Variants in SUSD4 observed in about 807,000 individuals in gnomAD.
SUSD4 encodes the protein sushi domain-containing protein 4.
Under a neutral mutation model 50.5 loss-of-function variants are expected in SUSD4, and 41 were observed. The ratio of observed to expected loss-of-function variants is 0.81; its 90% CI spans 0.63 to 1.05. The LOEUF (loss-of-function observed/expected upper bound fraction) is 1.05. Among genes scored for constraint, SUSD4 ranks in the 50% least tolerant of loss-of-function variants. SUSD4 has a pLI of 0.00. For missense variants in SUSD4, 580 were observed against 634.7 expected, an observed-to-expected ratio of 0.91 and a Z score of 0.93; for synonymous variants, 257 against 257.3, an observed-to-expected ratio of 1.00 and a Z score of 0.01.
chr1:223,325,522 G>A (rs1433686825), intron 2 of SUSD4, among the ~76,000 whole-genome samples: 2 of 152,068 alleles, frequency 1.3e-5, no homozygotes, highest in Non-Finnish European at 2.9e-5. Flanking sequence ...TCCCAAGCAA[G>A]AGCAATTAGG....
At chr1:223,350,106 T>C (rs1668273423) in intron 2 of SUSD4, among the ~76,000 whole-genome samples, 1 of 152,198 alleles carries the variant, frequency 6.6e-6, no homozygotes, top group African/African-American at 2.4e-5. Context: ...AACCCAGCCG[T>C]GCTGGCACCT....
At position 223,314,327 on chromosome 1, in the gene SUSD4, G is replaced by A. The variant is rs36034318; in HGVS notation, c.149-21676C>T. On this transcript the variant is annotated intron_variant, in intron 2 of 8. Transcript: ENST00000366878. ...AGTCCTGGATAAACATTCAGTGAGCGGAAATCTGACCTCAGCGGGGTGGCG... is the reference window on the plus strand; with the variant it reads ...AGTCCTGGATAAACATTCAGTGAGCAGAAATCTGACCTCAGCGGGGTGGCG... 5.7e-3 allele frequency among the ~76,000 whole-genome samples: 872 copies of A among 152,228 alleles called. 2 individuals carry two copies. Among genetic ancestry groups the A allele is most frequent in the Non-Finnish European group, 0.01 (687 of 68,000 alleles).
intron 2 of SUSD4, chr1:223,360,274 G>A (rs1172081904): frequency 2.1e-6 from 1 of 470,190 alleles, no homozygotes; most frequent in Admixed American, 2.4e-5. Flanking sequence ...GGCACTCTGG[G>A]CATCCCTCAA....
intron 5 of SUSD4, among the ~76,000 whole-genome samples, chr1:223,261,539 G>A (rs1662121505): frequency 6.6e-6 from 1 of 152,220 alleles, no homozygotes; most frequent in Non-Finnish European, 1.5e-5. Flanking sequence ...AGGAGACACT[G>A]TGTCAAACAC....
At chr1:223,228,974 T>C (rs1447563372) in intron 6 of SUSD4, among the ~76,000 whole-genome samples, 4 of 151,836 alleles carry the variant, frequency 2.6e-5, no homozygotes, top group African/African-American at 9.7e-5. Context: ...TGGAAGGACC[T>C]CCAGCAGACA....
chr1:223,286,351 G>C (rs1002055008), intron 3 of SUSD4, among the ~76,000 whole-genome samples: 3 of 152,212 alleles, frequency 2.0e-5, no homozygotes, highest in Admixed American at 1.3e-4. Context: ...TCCTGACCTC[G>C]TGATCCACCT....
chr1:223,266,454 T>C (rs1004018358), intron 4 of SUSD4, among the ~76,000 whole-genome samples: 2 of 152,114 alleles, frequency 1.3e-5, no homozygotes, highest in African/African-American at 4.8e-5. Context: ...TTGGCACAAA[T>C]GATTGTGCTC....
At chr1:223,310,890 T>C (rs1665833252) in intron 2 of SUSD4, among the ~76,000 whole-genome samples, 1 of 152,180 alleles carries the variant, frequency 6.6e-6, no homozygotes, top group Non-Finnish European at 1.5e-5. Context: ...ACTAGCTGTG[T>C]TTTGGTGGGT....
chr1:223,317,640 G>T (rs527303626), intron 2 of SUSD4, among the ~76,000 whole-genome samples: 4 of 152,192 alleles, frequency 2.6e-5, no homozygotes, highest in African/African-American at 9.6e-5. Context: ...CTTTCAGAAA[G>T]TCCTCAAGAA....
chr1:223,260,831 G>A (rs1435672040), intron 5 of SUSD4, among the ~76,000 whole-genome samples: 3 of 152,176 alleles, frequency 2.0e-5, no homozygotes, highest in African/African-American at 7.2e-5. Flanking sequence ...CCTTTGGTGA[G>A]GCTGCCAAAG....
chr1:223,289,511 T>G (rs1204731030), intron 3 of SUSD4, among the ~76,000 whole-genome samples: 1 of 152,160 alleles, frequency 6.6e-6, no homozygotes, highest in Non-Finnish European at 1.5e-5. Flanking sequence ...AATACCACCT[T>G]GCTTCTGTAG....
chr1:223,342,253 G>A (rs1235227053), intron 2 of SUSD4, among the ~76,000 whole-genome samples: 1 of 152,138 alleles, frequency 6.6e-6, no homozygotes, highest in African/African-American at 2.4e-5. Flanking sequence ...AGATGAAACT[G>A]CAATGTCCTC....
chr1:223,340,440 G>A (rs1204328020), intron 2 of SUSD4, among the ~76,000 whole-genome samples: 6 of 152,180 alleles, frequency 3.9e-5, no homozygotes, highest in Admixed American at 2.6e-4. Context: ...TGCTGCAGCT[G>A]CAATGAAAAA....
chr1:223,249,576 A>C (rs1036331759), intron 5 of SUSD4, among the ~76,000 whole-genome samples: 1 of 152,208 alleles, frequency 6.6e-6, no homozygotes, highest in Non-Finnish European at 1.5e-5. Context: ...AAGAGGAGGA[A>C]GCAATTGGTC....
At chr1:223,300,879 T>C (rs1665148640) in intron 2 of SUSD4, among the ~76,000 whole-genome samples, 1 of 152,058 alleles carries the variant, frequency 6.6e-6, no homozygotes, top group African/African-American at 2.4e-5. Context: ...TTTGACCCCT[T>C]TGTCTCCCAG....
intron 5 of SUSD4, among the ~76,000 whole-genome samples, chr1:223,240,955 G>GC (rs1660538819): frequency 6.6e-6 from 1 of 152,212 alleles, no homozygotes; most frequent in South Asian, 2.1e-4. Flanking sequence ...GCACTCTGTA[G>GC]CCCTAAGAGT....
At chr1:223,282,004 T>C (rs898760633) in intron 3 of SUSD4, among the ~76,000 whole-genome samples, 1 of 152,196 alleles carries the variant, frequency 6.6e-6, no homozygotes, top group Admixed American at 6.5e-5. Flanking sequence ...ATTATCTCAA[T>C]AGACATGGAA....
At chr1:223,321,867 G>T (rs540634247) in intron 2 of SUSD4, among the ~76,000 whole-genome samples, 3 of 152,100 alleles carry the variant, frequency 2.0e-5, no homozygotes, top group Non-Finnish European at 2.9e-5. Flanking sequence ...ATCAAATAAC[G>T]TTTACTTTGG....
intron 2 of SUSD4, among the ~76,000 whole-genome samples, chr1:223,350,926 A>G (rs1317316467): frequency 6.6e-6 from 1 of 152,190 alleles, no homozygotes; most frequent in Non-Finnish European, 1.5e-5. Flanking sequence ...AAAAAGATAA[A>G]TCGGTTGTGG....
Sources: gnomAD v4.1 joint callset for allele counts (sites outside exome capture counted in the v4.1 genomes callset) on GRCh38, gnomAD v4.1.1 for gene constraint, MANE v1.5 for transcripts, NCBI Gene and HGNC (gene_info 2026-07-23, HGNC 2026-07-21) for gene names.